Variants in CSMD1 observed in about 807,000 individuals in gnomAD.
CSMD1 encodes CUB and sushi domain-containing protein 1.
CSMD1 carries 213 observed loss-of-function variants against 417.5 expected under a neutral mutation model. The ratio of observed to expected loss-of-function variants is 0.51; its 90% CI spans 0.46 to 0.57. The LOEUF is 0.57. CSMD1 is among the 20% of genes least tolerant of loss of function. The pLI is 0.00. For missense variants in CSMD1, 6,923 were observed against 4,529.7 expected, an observed-to-expected ratio of 1.53 and a Z score of -15.17; for synonymous variants, 2,862 against 1,736.8, an observed-to-expected ratio of 1.65 and a Z score of -16.11.
At chr8:3,113,103 AT>A (rs1816629690) in intron 42 of CSMD1, 1 of 152,226 alleles carries the variant, frequency 6.6e-6, no homozygotes, top group Non-Finnish European at 1.5e-5. Context: ...CAGGAAGCGT[AT>A]CCCCCCTGCC....
chr8:4,775,608 T>C (rs1243678795), intron 1 of CSMD1, among the ~76,000 whole-genome samples: 1 of 152,326 alleles, frequency 6.6e-6, no homozygotes, highest in East Asian at 1.9e-4. Flanking sequence ...CTAATCAATG[T>C]TAATTACAAG....
chr8:4,151,409 A>C (rs528725469), intron 3 of CSMD1, among the ~76,000 whole-genome samples: 2 of 152,336 alleles, frequency 1.3e-5, no homozygotes, highest in South Asian at 4.1e-4. Flanking sequence ...ATACTCTTTA[A>C]AAATATAAAT....
At chr8:3,646,953 C>A (rs983825825) in intron 7 of CSMD1, among the ~76,000 whole-genome samples, 3 of 152,196 alleles carry the variant, frequency 2.0e-5, no homozygotes, top group African/African-American at 7.2e-5. Context: ...AATGATGCAT[C>A]ATCCTCTCTA....
chr8:4,876,407 A>G (rs745991305), intron 1 of CSMD1, among the ~76,000 whole-genome samples: 3 of 152,144 alleles, frequency 2.0e-5, no homozygotes, highest in Non-Finnish European at 4.4e-5. Flanking sequence ...TTAAAGGAGT[A>G]CAAGTGGCCT....
chr8:3,247,790 T>C (rs1799982422), intron 26 of CSMD1, among the ~76,000 whole-genome samples: 1 of 152,166 alleles, frequency 6.6e-6, no homozygotes, highest in Non-Finnish European at 1.5e-5. Flanking sequence ...AAATTACACA[T>C]AGATTCACTA....
intron 18 of CSMD1, among the ~76,000 whole-genome samples, chr8:3,386,540 G>C (rs919517973): frequency 6.6e-6 from 1 of 152,182 alleles, no homozygotes; most frequent in Non-Finnish European, 1.5e-5. Flanking sequence ...CAGTTAAGCA[G>C]AATTTTTCCA....
chr8:4,830,713 C>T (rs1379324), intron 1 of CSMD1, among the ~76,000 whole-genome samples: 83,246 of 152,114 alleles, frequency 0.55, 23,502 homozygotes, highest in African/African-American at 0.63. Flanking sequence ...TATTGCAACC[C>T]TGTGTCATTG....
chr8:3,131,225 T>C (rs1817775113), intron 41 of CSMD1, among the ~76,000 whole-genome samples: 1 of 152,264 alleles, frequency 6.6e-6, no homozygotes, highest in South Asian at 2.1e-4. Context: ...CATGGCCAAG[T>C]CTAATAACTG....
rs562417147 is a variant in CSMD1, at chr8:4,637,417, G to C, written c.227C>G (p.Thr76Ser). ...ATCAAAATCTTCTTCAAGAGCAAAG[G>C]TATGGAAGGACAACTGTATCCTATT... ...ERNRIQLSFHTFALEEDFDIL... is the reference protein window; with the variant it reads ...ERNRIQLSFHSFALEEDFDIL... The change falls in exon 2 of 70, where the codon ACC (threonine) becomes AGC (serine). Residue 76 changes from threonine to serine, a missense_variant. Transcript: ENST00000635120. 3.5e-5 allele frequency: 57 copies of C among 1,613,718 alleles called. 1 individual carries two copies. The Middle Eastern group carries it at 2.3e-3, about 65-fold the overall frequency.
chr8:4,818,519 A>G (rs1204450067), intron 1 of CSMD1, among the ~76,000 whole-genome samples: 1 of 152,204 alleles, frequency 6.6e-6, no homozygotes, highest in Admixed American at 6.5e-5. Context: ...CATACGTATT[A>G]AGAATAATAT....
At chr8:4,794,212 G>T (rs1293951534) in intron 1 of CSMD1, among the ~76,000 whole-genome samples, 1 of 146,884 alleles carries the variant, frequency 6.8e-6, no homozygotes, top group East Asian at 2.0e-4. Context: ...CAGGTCACTT[G>T]GATCATTTTT....
chr8:4,781,079 T>A (rs1278931962), intron 1 of CSMD1, among the ~76,000 whole-genome samples: 1 of 152,200 alleles, frequency 6.6e-6, no homozygotes, highest in African/African-American at 2.4e-5. Flanking sequence ...CCCGCCGTCT[T>A]GTTAAGATAC....
chr8:4,916,640 A>G (rs1164466954), intron 1 of CSMD1, among the ~76,000 whole-genome samples: 3 of 152,248 alleles, frequency 2.0e-5, no homozygotes, highest in Admixed American at 2.0e-4. Flanking sequence ...ATAACCTCCA[A>G]TAAAAATACT....
chr8:4,133,991 T>C (rs919406054), intron 3 of CSMD1, among the ~76,000 whole-genome samples: 4 of 152,194 alleles, frequency 2.6e-5, no homozygotes, highest in African/African-American at 9.7e-5. Flanking sequence ...TTCTTATCCA[T>C]AAAAGAAGAG....
In CSMD1 at chr8:3,822,470, C is replaced by G. The variant is rs74928424; in HGVS notation, c.819-68428G>C. On this transcript the variant is annotated intron_variant, in intron 5 of 69. Coordinates refer to ENST00000635120, the MANE Select transcript of CSMD1 (RefSeq NM_033225.6). ...CACAAAGAACAATAGGTATTCCTAA[C>G]TGTAATTTCAGGATAGACAAGAGCT... 8.9e-4 allele frequency among the ~76,000 whole-genome samples: 135 copies of G among 152,228 alleles called. 4 individuals are homozygous for G. In the East Asian group the frequency reaches 0.022, roughly 25 times the overall value.
intron 1 of CSMD1, among the ~76,000 whole-genome samples, chr8:4,688,564 A>G (rs1806542618): frequency 6.6e-6 from 1 of 152,228 alleles, no homozygotes; most frequent in African/African-American, 2.4e-5. Flanking sequence ...ATGGTCTCCC[A>G]CTAAGCAGCA....
intron 1 of CSMD1, among the ~76,000 whole-genome samples, chr8:4,685,629 C>G (rs1301969255): frequency 6.6e-6 from 1 of 152,066 alleles, no homozygotes; most frequent in East Asian, 1.9e-4. Flanking sequence ...AGCACACCAT[C>G]ACACCATGTA....
intron 3 of CSMD1, among the ~76,000 whole-genome samples, chr8:4,221,363 C>T (rs1801019814): frequency 7.2e-6 from 1 of 138,842 alleles, no homozygotes; most frequent in Non-Finnish European, 1.5e-5. Context: ...AAGCCCATCT[C>T]TACAAGGAAA....
intron 4 of CSMD1, among the ~76,000 whole-genome samples, chr8:4,025,580 A>G (rs950343999): frequency 1.3e-5 from 2 of 152,218 alleles, no homozygotes; most frequent in Admixed American, 6.5e-5. Context: ...TGCCTGTAAG[A>G]AGTGAAACAG....
Sources: allele counts gnomAD v4.1 joint callset (sites outside exome capture counted in the v4.1 genomes callset), GRCh38; gene constraint gnomAD v4.1.1; transcripts MANE v1.5; gene names NCBI Gene and HGNC (gene_info 2026-07-23, HGNC 2026-07-21).